The following PRRT4 variants were observed in gnomAD, a reference collection of about 807,000 sequenced individuals.
The protein encoded by PRRT4 is proline-rich transmembrane protein 4.
A neutral mutation model predicts 55.6 loss-of-function variants in PRRT4; 59 were observed. That is an observed-to-expected ratio of 1.06 (90% CI 0.86 to 1.32). The LOEUF (loss-of-function observed/expected upper bound fraction) is 1.32. Among genes scored for constraint, PRRT4 ranks in the 40% most tolerant of loss-of-function variants. The pLI is 0.00. For missense variants in PRRT4, 1,217 were observed against 1,222.0 expected (o/e 1.00, Z 0.06); for synonymous variants, 606 against 601.8 (o/e 1.01, Z -0.10).
At chr7:128,352,773 C>T in intron 4 of PRRT4, 95 bp from the exon 6 acceptor site, 1 of 1,224,684 alleles carries the variant, frequency 8.2e-7, no homozygotes, top group Non-Finnish European at 1.1e-6. Flanking sequence ...GAGTCCCCTA[C>T]CGTATCCAGG....
chr7:128,352,057 CCGCGCGAGGCGAGCCG>C lies in PRRT4; in HGVS notation c.1483_1498del (p.Arg495GlyfsTer71). The C allele has an allele frequency of 8.2e-7, 1 of 1,224,764 alleles. No homozygotes were observed. Among genetic ancestry groups the C allele is most frequent in the Non-Finnish European group, 1.0e-6 (1 of 982,460 alleles). 75.9% of individuals were successfully genotyped at this position (1,224,764 alleles called of 1,614,324 possible). The stretch of plus-strand genomic sequence containing the variant: ...GAAAGCGGCGAGAAAGGCGTGCAGC[CCGCGCGAGGCGAGCCG>C]CAGGGGCCGCAGCGGGCGATGCGCG... On this transcript the variant is annotated frameshift_variant, in exon 5 of 5. Transcript: ENST00000535159. LOFTEE classifies it high-confidence loss of function.
chr7:128,360,961 AC>A (rs897105048), intron 1 of PRRT4, among the ~76,000 whole-genome samples: 1 of 145,918 alleles, frequency 6.9e-6, no homozygotes, highest in East Asian at 2.0e-4. Flanking sequence ...CCCGTCACAT[AC>A]CCCCCTGCCC....
In PRRT4 at chr7:128,352,553, G is replaced by T. The variant is rs185165197; in HGVS notation, c.1003C>A (p.Gln335Lys). ...AGGGGCCTCGGCGCCTCGGGAGGCT[G>T]CCCCTCGCGTTCAGGCAATTCTCCC... is the stretch of plus-strand genomic sequence containing the variant. Residue 335 changes from glutamine (Q) to lysine (K), a missense_variant, in exon 5 of 5, where the codon CAG becomes AAG. Transcript: ENST00000535159. 2.3e-4 allele frequency: 355 copies of T among 1,544,674 alleles called. 2 individuals are homozygous for T. The African/African-American group carries it at 4.4e-3, about 19-fold the overall frequency.
rs1178367922 is a variant in PRRT4, at chr7:128,359,198, T to TG, written c.707dup (p.Gly237ArgfsTer2). The TG allele has an allele frequency of 2.6e-6, 4 of 1,551,732 alleles. No individual in the cohort carries two copies. The East Asian group carries it at 9.8e-5, about 38-fold the overall frequency. ...CAGAGCTTGTGGATGTAGTTTCACCTGGGGGGCTCAGGCCGGAGAAGTTCC... is the reference window on the plus strand; with the variant it reads ...CAGAGCTTGTGGATGTAGTTTCACCTGGGGGGGCTCAGGCCGGAGAAGTTCC... On this transcript the variant is annotated frameshift_variant, in exon 3 of 5. Coordinates refer to ENST00000535159, the Ensembl canonical transcript of PRRT4. LOFTEE classifies it high-confidence loss of function.
At chr7:128,357,136 T>C (rs1385302928) in intron 4 of PRRT4, among the ~76,000 whole-genome samples, 1 of 151,926 alleles carries the variant, frequency 6.6e-6, no homozygotes, top group Admixed American at 6.6e-5. Context: ...CAAAGGTTAG[T>C]TGCACTTAGG....
chr7:128,359,077 T>C, intron 3 of PRRT4, 72 bp downstream of exon 4: 1 of 1,460,468 alleles, frequency 6.8e-7, no homozygotes, highest in Admixed American at 2.0e-5. Flanking sequence ...GAAAGGTACT[T>C]GTTAGGCTCC....
intron 4 of PRRT4, among the ~76,000 whole-genome samples, chr7:128,354,605 C>T (rs527924606): frequency 6.8e-6 from 1 of 147,752 alleles, no homozygotes; most frequent in Non-Finnish European, 1.5e-5. Flanking sequence ...ACACACACAA[C>T]AGTTCTTAAA....
downstream of PRRT4, chr7:128,350,767 A>C: frequency 4.0e-6 from 6 of 1,496,922 alleles, no homozygotes; most frequent in Non-Finnish European, 5.4e-6. Flanking sequence ...TGAGCCAGGG[A>C]GGATTGGGGA....
chr7:128,360,125 C>G (rs1240706504), intron 1 of PRRT4, 62 bp from the exon 3 acceptor site: 4 of 680,226 alleles, frequency 5.9e-6, no homozygotes, highest in Non-Finnish European at 8.3e-6. Flanking sequence ...TTCCCAGGAT[C>G]GGATGTCCCA....
At position 128,351,002 on chromosome 7, in the gene PRRT4, A is replaced by AGG; in HGVS notation, c.2552_2553dup (p.Tyr852ProfsTer40). 1 of 1,550,504 alleles carries AGG rather than the reference A, an allele frequency of 6.4e-7. No individual in the cohort carries two copies. The highest frequency in any genetic ancestry group is 8.7e-7 in the Non-Finnish European group (1 of 1,146,876). ...CGAGAGGGTGGGGACAGGGCCTGGTAGGATCCTGAGGCCGGGAGGCTGGGG... is the reference window on the plus strand; with the variant it reads ...CGAGAGGGTGGGGACAGGGCCTGGTAGGGGATCCTGAGGCCGGGAGGCTGGGG... On this transcript the variant is annotated frameshift_variant, in exon 5 of 5. Transcript: ENST00000535159. LOFTEE classifies it high-confidence loss of function.
chr7:128,351,691 G>C, exon 5 of PRRT4: 1 of 1,507,266 alleles, frequency 6.6e-7, no homozygotes. Context: ...GCAGAGCGCC[G>C]GGTAGAGGCC....
At chr7:128,354,173 C>T (rs116246936) in intron 4 of PRRT4, among the ~76,000 whole-genome samples, 1,704 of 152,284 alleles carry the variant, frequency 0.011, 38 homozygotes, top group African/African-American at 0.039. Context: ...AACTGCCTGG[C>T]CCTGCCCTGG....
At position 128,358,600 on chromosome 7, in the gene PRRT4, G is replaced by A; in HGVS notation, c.877+81C>T. ...ATTATGATGACAATGAAATAAAAGG[G>A]TCCCAGAACACTGATGAGTGACTAG... On this transcript the variant is annotated intron_variant, in intron 4 of 4. Coordinates refer to ENST00000535159, the Ensembl canonical transcript of PRRT4. The surrounding 1 kb of genome is among the most constrained non-coding windows in gnomAD (Gnocchi z 4.4). 1.7e-6 allele frequency: 2 copies of A among 1,210,310 alleles called. No homozygotes were observed. Among genetic ancestry groups the A allele is most frequent in the South Asian group, 1.3e-5 (1 of 76,094 alleles). The allele number at this position is 1,210,310 out of a possible 1,614,324, so 75.0% of individuals were successfully genotyped here. A position where few individuals can be genotyped will look rare whatever the true frequency, so the allele number is the denominator to read the frequency against.
intron 4 of PRRT4, among the ~76,000 whole-genome samples, chr7:128,354,665 A>G (rs1797076981): frequency 6.6e-6 from 1 of 152,160 alleles, no homozygotes. Context: ...TTCTGAGAAC[A>G]AGGAAAAGGA....
chr7:128,354,899 G>A lies in PRRT4; in HGVS notation c.878-2221C>T, dbSNP rs572688908. ...ACTGTTGTGAGAAAAATGAGACAAC[G>A]TGTGTAAAACTCTGGAAAACCTGGT... On this transcript the variant is annotated intron_variant, in intron 4 of 4. Coordinates refer to ENST00000535159, the Ensembl canonical transcript of PRRT4. Among the ~76,000 whole-genome samples the A allele has an allele frequency of 5.9e-5, 9 of 152,298 alleles. No individual in the cohort carries two copies. The South Asian group carries it at 1.0e-3, about 18-fold the overall frequency.
exon 5 of PRRT4, chr7:128,351,578 T>C: frequency 6.7e-7 from 1 of 1,501,000 alleles, no homozygotes; most frequent in Non-Finnish European, 8.8e-7. Context: ...AGGGGCTCCT[T>C]GTCTGGGGGC....
exon 5 of PRRT4, chr7:128,352,366 G>C (rs1469245304): frequency 6.6e-7 from 1 of 1,525,416 alleles, no homozygotes; most frequent in Non-Finnish European, 8.8e-7. Flanking sequence ...CGCCAGGCAG[G>C]GGGCGCCGGG....
chr7:128,351,409 T>C, exon 5 of PRRT4: 1 of 1,538,608 alleles, frequency 6.5e-7, no homozygotes, highest in Non-Finnish European at 8.8e-7. Context: ...GTCCACGGTG[T>C]AATCGCTGCA....
At chr7:128,354,292 G>A (rs868162330) in intron 4 of PRRT4, among the ~76,000 whole-genome samples, 2 of 152,184 alleles carry the variant, frequency 1.3e-5, no homozygotes, top group African/African-American at 2.4e-5. Flanking sequence ...GGCCTGGCGC[G>A]GTGGCTCATG....
Sources: allele counts gnomAD v4.1 joint callset (sites outside exome capture counted in the v4.1 genomes callset), GRCh38; gene constraint gnomAD v4.1.1; non-coding constraint Gnocchi (gnomAD v3.1); transcripts MANE v1.5; gene names NCBI Gene and HGNC (gene_info 2026-07-23, HGNC 2026-07-21).